The following NDUFA9 variants were observed in gnomAD, a reference collection of about 807,000 sequenced individuals.
The protein encoded by NDUFA9 is NADH dehydrogenase [ubiquinone] 1 alpha subcomplex subunit 9, mitochondrial.
NDUFA9 carries 23 observed loss-of-function variants against 45.9 expected under a neutral mutation model. The observed-to-expected ratio is 0.50, with a 90% CI of 0.36 to 0.71. The LOEUF (loss-of-function observed/expected upper bound fraction) is 0.71. NDUFA9 is among the 30% of genes least tolerant of loss of function. The pLI, the probability that NDUFA9 is intolerant of heterozygous loss-of-function variation, is 0.00. For synonymous variants in NDUFA9, 176 were observed against 170.5 expected (o/e 1.03, Z -0.25); for missense variants, 466 against 488.2 (o/e 0.95, Z 0.43).
rs111558221 is a variant in NDUFA9 at position 4,689,922 on chromosome 12, G to A, written c.*2814G>A. The A allele has an allele frequency of 0.11, 16,841 of 154,856 alleles. 949 individuals carry two copies. Among genetic ancestry groups the A allele is most frequent in the Middle Eastern group, 0.12 (38 of 306 alleles). 9.6% of individuals were successfully genotyped at this position (154,856 alleles called of 1,614,324 possible). A position where few individuals can be genotyped will look rare whatever the true frequency, so the allele number is the denominator to read the frequency against. ...TCCCGGACTGGTCGGCTGGCTGGGC[G>A]GAGGCGCCCCCCACACAAACACTGA... On this transcript the variant is annotated 3_prime_UTR_variant, in exon 11 of 11. Transcript: ENST00000266544.
rs971182997 is a variant in NDUFA9, at chr12:4,672,441, C to T, written c.800+2624C>T. Among the ~76,000 whole-genome samples, 9 of 152,290 alleles carry T rather than the reference C, an allele frequency of 5.9e-5. 1 individual carries two copies. The highest frequency in any genetic ancestry group is 6.8e-3 in the Middle Eastern group (2 of 294). On this transcript the variant is annotated intron_variant, in intron 8 of 10. Transcript: ENST00000266544. The stretch of plus-strand genomic sequence containing the variant: ...CAGGGAGCCAAGTGATCTGGCTCAG[C>T]GGGTCCCACCCCCACAGAGCCCAGC...
intron 8 of NDUFA9, among the ~76,000 whole-genome samples, chr12:4,673,116 C>T (rs566480521): frequency 6.6e-6 from 1 of 152,142 alleles, no homozygotes; most frequent in African/African-American, 2.4e-5. Flanking sequence ...TCCAGCAGAC[C>T]TGCAGCAGAG....
In NDUFA9 at chr12:4,668,485, T is replaced by G. The variant is rs766311501; in HGVS notation, c.684T>G (p.Leu228=). The G allele has an allele frequency of 1.2e-6, 2 of 1,613,756 alleles. No individual in the cohort carries two copies. The highest frequency in any genetic ancestry group is 2.7e-5 in the African/African-American group (2 of 74,936). Residue 228 remains leucine (L), a synonymous_variant, in exon 7 of 11, where the codon CTT becomes CTG. Transcript: ENST00000266544. The part of the protein sequence containing the change: ...ASMHRFGPIP[L]GSLGWKTVKQ... ...TGCATCGGTTTGGTCCTATACCCCTTGGTTCCTTGGGCTGGAAGACAGTTA... is the reference window on the plus strand; with the variant it reads ...TGCATCGGTTTGGTCCTATACCCCTGGGTTCCTTGGGCTGGAAGACAGTTA...
At chr12:4,666,711 T>G (rs757163986) in intron 6 of NDUFA9, among the ~76,000 whole-genome samples, 4 of 152,232 alleles carry the variant, frequency 2.6e-5, no homozygotes, top group Non-Finnish European at 4.4e-5. Context: ...TCTATTCCAT[T>G]GCTCTGTATG....
In NDUFA9 at chr12:4,694,169, TTG is replaced by T. The variant is rs1172311081; in HGVS notation, c.*7065_*7066del. 6.6e-6 allele frequency: 1 copy of T among 152,220 alleles called. No individual in the cohort carries two copies. Among genetic ancestry groups the T allele is most frequent in the Non-Finnish European group, 1.5e-5 (1 of 68,038 alleles). 9.4% of individuals were successfully genotyped at this position (152,220 alleles called of 1,614,324 possible). ...TAATTCTTGTCTATAGACGTGTACA[TTG>T]TGTCTTAGCGTAGATTCACCCGACC... On this transcript the variant is annotated 3_prime_UTR_variant, in exon 11 of 11. Transcript: ENST00000266544.
chr12:4,674,714 A>G (rs1423186371), intron 8 of NDUFA9, among the ~76,000 whole-genome samples: 2 of 152,208 alleles, frequency 1.3e-5, no homozygotes, highest in Non-Finnish European at 2.9e-5. Flanking sequence ...CCCACACAAT[A>G]ATAGTGGGAG....
At chr12:4,668,380 T>A in intron 6 of NDUFA9, 77 bp from the exon 7 acceptor site, 1 of 1,164,244 alleles carries the variant, frequency 8.6e-7, no homozygotes, top group Non-Finnish European at 1.3e-6. Context: ...GCACAATAAT[T>A]ATGTTAATCT....
rs145533508 is a variant in NDUFA9 at position 4,672,990 on chromosome 12, G to A, written c.800+3173G>A. Reference sequence around the variant, plus strand: ...ACCTCATACAAGGGAGATCTGGTTGGCATCTGGCAGGTGCCCCTCTGGGAC... The same window carrying A: ...ACCTCATACAAGGGAGATCTGGTTGACATCTGGCAGGTGCCCCTCTGGGAC... On this transcript the variant is annotated intron_variant, in intron 8 of 10. Transcript: ENST00000266544. Among the ~76,000 whole-genome samples the A allele has an allele frequency of 2.2e-3, 341 of 152,296 alleles. 1 individual carries two copies. Among genetic ancestry groups the A allele is most frequent in the Non-Finnish European group, 2.5e-3 (170 of 68,014 alleles).
At chr12:4,673,616 CA>C (rs1565570138) in intron 8 of NDUFA9, among the ~76,000 whole-genome samples, 41 of 151,546 alleles carry the variant, frequency 2.7e-4, no homozygotes, top group Non-Finnish European at 4.9e-4. Context: ...AGTGAAAAGA[CA>C]AGATAAGAGA....
chr12:4,669,441 G>C (rs1211681370), intron 7 of NDUFA9, among the ~76,000 whole-genome samples: 2 of 152,250 alleles, frequency 1.3e-5, no homozygotes, highest in Non-Finnish European at 2.9e-5. Context: ...CTGAAGGTAA[G>C]TGCATTCCTA....
chr12:4,666,345 A>C, intron 6 of NDUFA9, among the ~76,000 whole-genome samples: 1 of 151,858 alleles, frequency 6.6e-6, no homozygotes, highest in African/African-American at 2.4e-5. Context: ...TTGTCTCTTC[A>C]CTCTGTTAAT....
chr12:4,664,218 C>T (rs1945840263), intron 6 of NDUFA9, among the ~76,000 whole-genome samples: 1 of 152,312 alleles, frequency 6.6e-6, no homozygotes, highest in South Asian at 2.1e-4. Flanking sequence ...GAAGAGAACA[C>T]TAAGAGTGTG....
chr12:4,652,646 G>A (rs1433926877), intron 1 of NDUFA9, among the ~76,000 whole-genome samples: 2 of 152,030 alleles, frequency 1.3e-5, no homozygotes, highest in South Asian at 2.1e-4. Flanking sequence ...CTACCTCATG[G>A]GACTGCTTTT....
Sources: gnomAD v4.1 joint callset for allele counts (sites outside exome capture counted in the v4.1 genomes callset) on GRCh38, gnomAD v4.1.1 for gene constraint, MANE v1.5 for transcripts, NCBI Gene and HGNC (gene_info 2026-07-23, HGNC 2026-07-21) for gene names.